The following ARID3B variants were observed in gnomAD, a reference collection of about 807,000 sequenced individuals.
The protein encoded by ARID3B is AT-rich interactive domain-containing protein 3B.
ARID3B carries 10 observed loss-of-function variants against 51.9 expected under a neutral mutation model. That is an observed-to-expected ratio of 0.19 (90% CI 0.12 to 0.33). The LOEUF is 0.33. Ranked by LOEUF, ARID3B falls within the 10% of genes least tolerant of loss-of-function variation. The pLI is 1.00. For synonymous variants in ARID3B, 205 were observed against 279.5 expected (o/e 0.73, Z 2.66); for missense variants, 483 against 716.3 (o/e 0.67, Z 3.72).
At chr15:74,546,656 C>T (rs1567114824) in intron 2 of ARID3B, among the ~76,000 whole-genome samples, 1 of 152,196 alleles carries the variant, frequency 6.6e-6, no homozygotes, top group Non-Finnish European at 1.5e-5. Flanking sequence ...AAACTCTTTG[C>T]GTTCACTTTA....
chr15:74,595,108 C>T (rs967160081), intron 8 of ARID3B, among the ~76,000 whole-genome samples: 2 of 152,160 alleles, frequency 1.3e-5, no homozygotes, highest in South Asian at 2.1e-4. Flanking sequence ...TGCATTGGTG[C>T]GGTCATAGCT....
At chr15:74,563,906 C>G (rs2061688051) in intron 2 of ARID3B, among the ~76,000 whole-genome samples, 1 of 152,160 alleles carries the variant, frequency 6.6e-6, no homozygotes, top group Non-Finnish European at 1.5e-5. Context: ...TGGAGTGATT[C>G]TGTGCTTAGT....
At chr15:74,580,196 A>G (rs2061756034) in intron 4 of ARID3B, among the ~76,000 whole-genome samples, 1 of 152,200 alleles carries the variant, frequency 6.6e-6, no homozygotes, top group Non-Finnish European at 1.5e-5. Context: ...CAAATAAAAA[A>G]CAAAAAACGT....
chr15:74,560,419 C>G (rs2061675820), intron 2 of ARID3B, among the ~76,000 whole-genome samples: 1 of 152,046 alleles, frequency 6.6e-6, no homozygotes, highest in African/African-American at 2.4e-5. Context: ...CTTCTTGGAG[C>G]TTTTTCTTTT....
At chr15:74,555,901 C>T (rs1309782726) in intron 2 of ARID3B, among the ~76,000 whole-genome samples, 1 of 149,242 alleles carries the variant, frequency 6.7e-6, no homozygotes, top group Non-Finnish European at 1.5e-5. Context: ...ATGCCATTCT[C>T]CTGCCTCAGC....
At position 74,545,164 on chromosome 15, in the gene ARID3B, A is replaced by G. The variant is rs1303620536; in HGVS notation, c.552+676A>G. Among the ~76,000 whole-genome samples, 5 of 152,392 alleles carry G rather than the reference A, an allele frequency of 3.3e-5. No homozygotes were observed. In the East Asian group the frequency reaches 7.7e-4, roughly 23 times the overall value. ...AATGTTTCTAACAGTAATGTAAAAG[A>G]AAGTTCTTGCCTAAGACAGTTTCTT... On this transcript the variant is annotated intron_variant, in intron 2 of 8. Transcript: ENST00000346246.
intron 8 of ARID3B, 142 bp from the exon 9 acceptor site, chr15:74,595,469 G>T: frequency 1.1e-6 from 1 of 906,494 alleles, no homozygotes; most frequent in Non-Finnish European, 1.6e-6. Flanking sequence ...ACAGCATTTG[G>T]ATCTTCTCCC....
chr15:74,589,615 G>A (rs1447582968), intron 4 of ARID3B, among the ~76,000 whole-genome samples: 2 of 152,214 alleles, frequency 1.3e-5, no homozygotes, highest in Non-Finnish European at 2.9e-5. Context: ...GAGGCTAAGT[G>A]CTTTGCCAAA....
In ARID3B at chr15:74,593,154, C is replaced by T. The variant is rs757243959; in HGVS notation, c.1437C>T (p.Ala479=). The T allele has an allele frequency of 1.8e-5, 29 of 1,613,202 alleles. No individual in the cohort carries two copies. The East Asian group carries it at 6.5e-4, about 36-fold the overall frequency. Residue 479 remains alanine (A), a synonymous_variant, in exon 8 of 9, where the codon GCC becomes GCT. Coordinates refer to ENST00000346246, the MANE Select transcript of ARID3B (RefSeq NM_006465.4). ...CCCCAGCAGAAGACAGAGCAGAGGCCTCGGCTGCAGCACTGAACCTGACCA... is the reference window on the plus strand; with the variant it reads ...CCCCAGCAGAAGACAGAGCAGAGGCTTCGGCTGCAGCACTGAACCTGACCA... ...RINGREDRAE[A]SAAALNLTTS...
chr15:74,567,941 AT>A (rs2141461901), intron 2 of ARID3B, among the ~76,000 whole-genome samples: 1 of 152,218 alleles, frequency 6.6e-6, no homozygotes, highest in East Asian at 1.9e-4. Flanking sequence ...TTGATTCATT[AT>A]TTTTGAAGGC....
chr15:74,584,235 A>C (rs138333299), intron 4 of ARID3B, among the ~76,000 whole-genome samples: 1 of 152,310 alleles, frequency 6.6e-6, no homozygotes, highest in Non-Finnish European at 1.5e-5. Flanking sequence ...TATATGAACA[A>C]GTCATGGGGG....
intron 2 of ARID3B, among the ~76,000 whole-genome samples, chr15:74,554,228 C>T (rs1238621836): frequency 3.9e-5 from 6 of 151,990 alleles, no homozygotes; most frequent in Middle Eastern, 3.4e-3. Context: ...AGGCTGGTCT[C>T]GATCTCCTGA....
chr15:74,567,425 T>G (rs1356456789), intron 2 of ARID3B, among the ~76,000 whole-genome samples: 2 of 152,062 alleles, frequency 1.3e-5, no homozygotes, highest in African/African-American at 4.8e-5. Flanking sequence ...AGACTCCCAG[T>G]GGTGGGAACA....
At chr15:74,563,730 G>T (rs970780290) in intron 2 of ARID3B, among the ~76,000 whole-genome samples, 1 of 152,218 alleles carries the variant, frequency 6.6e-6, no homozygotes, top group African/African-American at 2.4e-5. Flanking sequence ...ATTCTGCAGA[G>T]AAAAGGAGCT....
chr15:74,591,861 C>A lies in ARID3B; in HGVS notation c.1420+47C>A. The A allele has an allele frequency of 6.3e-7, 1 of 1,588,202 alleles. No homozygotes were observed. The highest frequency in any genetic ancestry group is 8.6e-7 in the Non-Finnish European group (1 of 1,164,566). On this transcript the variant is annotated intron_variant, in intron 7 of 8. Coordinates refer to ENST00000346246, the MANE Select transcript of ARID3B (RefSeq NM_006465.4). This position sits in a 1 kb window ranked among gnomAD's most constrained non-coding sequence, Gnocchi z 5.8. ...GCCTTCCCTTCCTGGAAACCCCAAG[C>A]CCATTCACGCCTCCTGGGACTGGTG...
chr15:74,564,242 C>T (rs1345434999), intron 2 of ARID3B, among the ~76,000 whole-genome samples: 1 of 152,220 alleles, frequency 6.6e-6, no homozygotes, highest in Non-Finnish European at 1.5e-5. Flanking sequence ...CCCCTCCCCT[C>T]TTAGGATTCT....
At chr15:74,541,761 C>T (rs941476225) in intron 1 of ARID3B, among the ~76,000 whole-genome samples, 8 of 151,618 alleles carry the variant, frequency 5.3e-5, no homozygotes, top group Non-Finnish European at 1.2e-4. Flanking sequence ...AAGAATCCGG[C>T]AGCAAAAGCA....
chr15:74,543,962 A>G lies in ARID3B; in HGVS notation c.26A>G (p.Gln9Arg), dbSNP rs1464524869. 14 of 1,612,158 alleles carry G rather than the reference A, an allele frequency of 8.7e-6. No homozygotes were observed. The Admixed American group carries it at 2.3e-4, about 27-fold the overall frequency. The change falls in exon 2 of 9, where the codon CAG becomes CGG. Residue 9 changes from glutamine to arginine, a missense_variant. By Grantham distance (43) the Gln-to-Arg change is conservative (BLOSUM62 1). This residue lies in a region of ARID3B where 182 missense variants were observed against 244.5 expected (regional missense o/e 0.74). Coordinates refer to ENST00000346246, the MANE Select transcript of ARID3B (RefSeq NM_006465.4). Reference sequence around the variant, plus strand: ...ATGGAGCCACTTCAGCAGCAGCAGCAGCAGCAGCAGCAACAACAGAAGCAG... The same window carrying G: ...ATGGAGCCACTTCAGCAGCAGCAGCGGCAGCAGCAGCAACAACAGAAGCAG... MEPLQQQQQQQQQQQKQPH... is the reference protein window; with the variant it reads MEPLQQQQRQQQQQQKQPH...
chr15:74,568,906 A>G (rs1190020838), intron 2 of ARID3B, among the ~76,000 whole-genome samples: 1 of 152,196 alleles, frequency 6.6e-6, no homozygotes, highest in Non-Finnish European at 1.5e-5. Context: ...TTAAACTTGC[A>G]TGCAGCAACC....
Sources: gnomAD v4.1 joint callset for allele counts (sites outside exome capture counted in the v4.1 genomes callset) on GRCh38, gnomAD v4.1.1 for gene constraint, gnomAD v4.1.1 regional missense constraint, Gnocchi (gnomAD v3.1) non-coding constraint, MANE v1.5 for transcripts, NCBI Gene and HGNC (gene_info 2026-07-23, HGNC 2026-07-21) for gene names.